Variants in OPCML observed in about 807,000 individuals in gnomAD.
The protein encoded by OPCML is opioid binding protein/cell adhesion molecule like, also known as opioid-binding protein/cell adhesion molecule.
Under a neutral mutation model 37.8 loss-of-function variants are expected in OPCML, and 13 were observed. That is an observed-to-expected ratio of 0.34 (90% confidence interval 0.22 to 0.55). OPCML has a LOEUF of 0.55. OPCML is among the 20% of genes least tolerant of loss of function. OPCML has a pLI of 0.91. For synonymous variants in OPCML, 176 were observed against 168.8 expected (o/e 1.04, Z -0.33); for missense variants, 341 against 435.6 (o/e 0.78, Z 1.93).
chr11:133,030,432 G>A (rs1947645253), intron 1 of OPCML, among the ~76,000 whole-genome samples: 1 of 152,102 alleles, frequency 6.6e-6, no homozygotes, highest in Admixed American at 6.6e-5. Flanking sequence ...GCCACTCCTT[G>A]TCTCTCTCCT....
intron 1 of OPCML, chr11:133,005,166 C>T (rs1319437633): frequency 2.3e-5 from 23 of 985,278 alleles, no homozygotes; most frequent in South Asian, 4.7e-5. Flanking sequence ...TGACCCTCCA[C>T]CCAATCTCTC....
intron 2 of OPCML, among the ~76,000 whole-genome samples, chr11:132,819,474 GAC>G (rs1565886745): frequency 6.6e-6 from 1 of 151,962 alleles, no homozygotes. Context: ...AGAATTAAAA[GAC>G]ACAATATCTG....
At chr11:132,655,131 T>C (rs1941641418) in intron 3 of OPCML, among the ~76,000 whole-genome samples, 2 of 152,238 alleles carry the variant, frequency 1.3e-5, no homozygotes, top group African/African-American at 4.8e-5. Flanking sequence ...ATATCATCTA[T>C]CTTCGTTCTT....
intron 2 of OPCML, among the ~76,000 whole-genome samples, chr11:132,666,417 T>TATC (rs142560386): frequency 0.034 from 5,213 of 152,150 alleles, 208 homozygotes; most frequent in African/African-American, 0.095. Flanking sequence ...GAGGGCACCA[T>TATC]ATCATTCATG....
At chr11:132,556,991 G>A (rs951026676) in intron 3 of OPCML, among the ~76,000 whole-genome samples, 11 of 152,242 alleles carry the variant, frequency 7.2e-5, no homozygotes, top group African/African-American at 1.4e-4. Context: ...ACTTAGGCCC[G>A]TGTTCCTGGC....
intron 3 of OPCML, among the ~76,000 whole-genome samples, chr11:132,536,187 C>G (rs942267347): frequency 2.0e-5 from 3 of 152,196 alleles, no homozygotes; most frequent in African/African-American, 7.2e-5. Context: ...AGAGATGGCT[C>G]CACAAGGTAA....
chr11:132,511,798 C>A (rs560927455), intron 4 of OPCML, among the ~76,000 whole-genome samples: 71 of 145,450 alleles, frequency 4.9e-4, no homozygotes, highest in Non-Finnish European at 7.3e-4. Flanking sequence ...TCTAAAACAT[C>A]TAGAAAAAAA....
In OPCML at chr11:133,458,768, C is replaced by CGTGTGTGTGTATACACATAGATGCACGT. The variant is rs746303658; in HGVS notation, c.61+73495_61+73496insACGTGCATCTATGTGTATACACACACAC. Among the ~76,000 whole-genome samples the CGTGTGTGTGTATACACATAGATGCACGT allele has an allele frequency of 3.7e-4, 9 of 24,254 alleles. 1 individual carries two copies. Among genetic ancestry groups the CGTGTGTGTGTATACACATAGATGCACGT allele is most frequent in the African/African-American group, 5.0e-4 (4 of 8,010 alleles). 15.9% of individuals were successfully genotyped at this position (24,254 alleles called of 152,430 possible). On this transcript the variant is annotated intron_variant, in intron 1 of 7. Coordinates refer to ENST00000524381, the MANE Select transcript of OPCML (RefSeq NM_001012393.5). ...GTGTGTATATATACACATAGATGCA[C>CGTGTGTGTGTATACACATAGATGCACGT]GTGTGTGTATATACACATAGATGCA...
At chr11:133,528,790 A>G (rs1391828167) in intron 1 of OPCML, among the ~76,000 whole-genome samples, 1 of 152,230 alleles carries the variant, frequency 6.6e-6, no homozygotes, top group African/African-American at 2.4e-5. Context: ...AGCTCAATCC[A>G]GGTTGGGTAA....
intron 1 of OPCML, among the ~76,000 whole-genome samples, chr11:133,437,560 G>T (rs182000368): frequency 3.9e-5 from 6 of 152,074 alleles, no homozygotes; most frequent in Admixed American, 6.6e-5. Flanking sequence ...TTGAATGCAG[G>T]ATAACCAGAA....
chr11:132,969,634 G>A (rs534225586), intron 1 of OPCML, among the ~76,000 whole-genome samples: 16 of 152,064 alleles, frequency 1.1e-4, no homozygotes, highest in East Asian at 3.9e-4. Flanking sequence ...TTCTGATTGC[G>A]TACTTTCCAT....
intron 1 of OPCML, among the ~76,000 whole-genome samples, chr11:132,957,893 C>T (rs1946004867): frequency 6.6e-6 from 1 of 152,158 alleles, no homozygotes; most frequent in Non-Finnish European, 1.5e-5. Flanking sequence ...CTCCTCAGGC[C>T]TCCCTGTTCC....
At chr11:132,919,387 C>T (rs75409253) in intron 2 of OPCML, among the ~76,000 whole-genome samples, 3,375 of 152,170 alleles carry the variant, frequency 0.022, 119 homozygotes, top group African/African-American at 0.076. Flanking sequence ...GGGTTGAGGC[C>T]CGGCAGGGTC....
chr11:132,992,223 G>A (rs996364502), intron 1 of OPCML, among the ~76,000 whole-genome samples: 10 of 151,998 alleles, frequency 6.6e-5, no homozygotes, highest in South Asian at 4.2e-4. Flanking sequence ...TATTTCAGGT[G>A]TTTAGGCAAC....
chr11:132,534,810 T>C (rs935001012), intron 3 of OPCML, among the ~76,000 whole-genome samples: 1 of 152,180 alleles, frequency 6.6e-6, no homozygotes, highest in Admixed American at 6.5e-5. Flanking sequence ...AGGAGCACAG[T>C]GCCTGGAAAT....
At chr11:133,531,744 G>GGGGA (rs1555171040) in intron 1 of OPCML, among the ~76,000 whole-genome samples, 4 of 137,148 alleles carry the variant, frequency 2.9e-5, no homozygotes, top group Non-Finnish European at 4.7e-5. Flanking sequence ...AGGTGGAGAG[G>GGGGA]GAGAGAGAGA....
At chr11:133,238,204 C>T (rs141714565) in intron 1 of OPCML, among the ~76,000 whole-genome samples, 1 of 152,100 alleles carries the variant, frequency 6.6e-6, no homozygotes, top group Non-Finnish European at 1.5e-5. Context: ...CAGGACCAGG[C>T]GTTCTGGGCT....
intron 1 of OPCML, among the ~76,000 whole-genome samples, chr11:133,440,286 C>G (rs1946333878): frequency 6.6e-6 from 1 of 151,624 alleles, no homozygotes; most frequent in Non-Finnish European, 1.5e-5. Context: ...GTAATCCCAG[C>G]TACTTGGGAG....
chr11:133,198,513 G>A (rs532685696), intron 1 of OPCML, among the ~76,000 whole-genome samples: 84 of 152,336 alleles, frequency 5.5e-4, no homozygotes, highest in South Asian at 1.2e-3. Flanking sequence ...TGAAAGAGCC[G>A]GAAATGAGAA....
Sources: gnomAD v4.1 joint callset for allele counts (sites outside exome capture counted in the v4.1 genomes callset) on GRCh38, gnomAD v4.1.1 for gene constraint, MANE v1.5 for transcripts, NCBI Gene and HGNC (gene_info 2026-07-23, HGNC 2026-07-21) for gene names.